RAD51B: variants seen among roughly 807,000 people sequenced by gnomAD.
RAD51B encodes the protein RAD51 paralog B.
A neutral mutation model predicts 42.2 loss-of-function variants in RAD51B; 38 were observed. That is an observed-to-expected ratio of 0.90 (90% CI 0.70 to 1.18). The LOEUF is 1.18. RAD51B is among the 50% of genes most tolerant of loss of function. The probability of loss-of-function intolerance (pLI) is 0.00; values close to 1 mark genes in which losing one functional copy is unlikely to be tolerated. For synonymous variants in RAD51B, 154 were observed against 145.2 expected, an observed-to-expected ratio of 1.06 and a Z score of -0.43; for missense variants, 373 against 400.7, an observed-to-expected ratio of 0.93 and a Z score of 0.59.
chr14:68,310,801 C>T (rs933545775), intron 8 of RAD51B, among the ~76,000 whole-genome samples: 7 of 152,090 alleles, frequency 4.6e-5, no homozygotes, highest in East Asian at 3.8e-4. Flanking sequence ...GCAGAGATCA[C>T]GCCACTGCAC....
intron 10 of RAD51B, among the ~76,000 whole-genome samples, chr14:68,496,581 T>C (rs1303940048): frequency 6.6e-6 from 1 of 152,270 alleles, no homozygotes; most frequent in African/African-American, 2.4e-5. Flanking sequence ...GTTCCTGGTA[T>C]GTCTGCCTGG....
chr14:67,893,496 ACACACAC>A lies in RAD51B; in HGVS notation c.756+6293_756+6299del, dbSNP rs1566945310. Reference sequence around the variant, plus strand: ...CACACACACACACACACACACACACACACACACACACACAAAAAAAAACAATTAGCTG... The same window carrying A: ...CACACACACACACACACACACACACAACACACAAAAAAAAACAATTAGCTG... On this transcript the variant is annotated intron_variant, in intron 7 of 10. Coordinates refer to ENST00000471583, the MANE Select transcript of RAD51B (RefSeq NM_133510.4). 1.2e-3 allele frequency among the ~76,000 whole-genome samples: 112 copies of A among 94,164 alleles called. 1 individual carries two copies. Among genetic ancestry groups the A allele is most frequent in the Non-Finnish European group, 1.4e-3 (66 of 47,744 alleles). The allele number at this position is 94,164 out of a possible 152,430, so 61.8% of individuals were successfully genotyped here. A position where few individuals can be genotyped will look rare whatever the true frequency, so the allele number is the denominator to read the frequency against.
intron 8 of RAD51B, among the ~76,000 whole-genome samples, chr14:68,385,816 A>G (rs1437764171): frequency 6.6e-6 from 1 of 152,216 alleles, no homozygotes; most frequent in African/African-American, 2.4e-5. Context: ...TGCTAATTTT[A>G]TATGTTGTCA....
intron 7 of RAD51B, among the ~76,000 whole-genome samples, chr14:68,050,682 G>T (rs2076377910): frequency 6.6e-6 from 1 of 151,890 alleles, no homozygotes; most frequent in African/African-American, 2.4e-5. Flanking sequence ...ATTTTTTTTG[G>T]AGAAGGAAGT....
In RAD51B at chr14:67,825,448, C is replaced by T. The variant is rs1566909359; in HGVS notation, c.85-16C>T. 6.4e-7 allele frequency: 1 copy of T among 1,555,068 alleles called. No individual in the cohort carries two copies. The highest frequency in any genetic ancestry group is 2.2e-5 in the East Asian group (1 of 44,452). On this transcript the variant is annotated splice_polypyrimidine_tract_variant and intron_variant, in intron 2 of 10. Coordinates refer to ENST00000471583, the MANE Select transcript of RAD51B (RefSeq NM_133510.4). ...TACACATATATGTTTAAAATACTCTCTTTATGTTTCTTTAGGACTTTTTAT... is the reference window on the plus strand; with the variant it reads ...TACACATATATGTTTAAAATACTCTTTTTATGTTTCTTTAGGACTTTTTAT...
At chr14:68,601,954 T>C (rs1891236195) in intron 10 of RAD51B, among the ~76,000 whole-genome samples, 1 of 152,196 alleles carries the variant, frequency 6.6e-6, no homozygotes, top group Non-Finnish European at 1.5e-5. Context: ...ACCATTCTCA[T>C]GGGCCTGGAT....
chr14:68,303,864 T>G (rs1218179722), intron 8 of RAD51B, among the ~76,000 whole-genome samples: 1 of 152,150 alleles, frequency 6.6e-6, no homozygotes. Flanking sequence ...GCAAATGACT[T>G]AAAGTACTAA....
intron 7 of RAD51B, among the ~76,000 whole-genome samples, chr14:67,999,856 G>A (rs1008287717): frequency 1.3e-5 from 2 of 152,122 alleles, no homozygotes; most frequent in African/African-American, 4.8e-5. Context: ...TTTGATATGT[G>A]TTAGATGGGT....
chr14:67,977,745 A>G (rs12433779), intron 7 of RAD51B, among the ~76,000 whole-genome samples: 2,371 of 152,366 alleles, frequency 0.016, 30 homozygotes, highest in African/African-American at 0.036. Flanking sequence ...ATGTAAGTAC[A>G]CCTACTGCCT....
At position 68,541,660 on chromosome 14, in the gene RAD51B, T is replaced by C. The variant is rs1016139390; in HGVS notation, c.1037-52825T>C. The C allele has an allele frequency of 4.1e-6, 4 of 985,344 alleles. No individual in the cohort carries two copies. The African/African-American group carries it at 7.0e-5, about 17-fold the overall frequency. The allele number at this position is 985,344 out of a possible 1,614,324, so 61.0% of individuals were successfully genotyped here. On this transcript the variant is annotated intron_variant, in intron 10 of 10. Transcript: ENST00000487270. Reference sequence around the variant, plus strand: ...AAAGCTGTATTGTCAGTGCAATCCTTTGGGGCCTTGTTTGGGCCTGAAGAA... The same window carrying C: ...AAAGCTGTATTGTCAGTGCAATCCTCTGGGGCCTTGTTTGGGCCTGAAGAA...
intron 7 of RAD51B, among the ~76,000 whole-genome samples, chr14:68,268,754 T>G (rs2081043888): frequency 6.6e-6 from 1 of 152,246 alleles, no homozygotes. Flanking sequence ...GCATCTTTAA[T>G]TTACACAGCA....
intron 7 of RAD51B, among the ~76,000 whole-genome samples, chr14:68,273,889 C>T (rs2081170892): frequency 6.6e-6 from 1 of 152,080 alleles, no homozygotes; most frequent in Non-Finnish European, 1.5e-5. Flanking sequence ...CAGACTTCCT[C>T]CCCATATCCT....
chr14:67,991,088 G>C (rs2075289279), intron 7 of RAD51B, among the ~76,000 whole-genome samples: 1 of 152,046 alleles, frequency 6.6e-6, no homozygotes, highest in Non-Finnish European at 1.5e-5. Flanking sequence ...TTGGGAATAG[G>C]ACCCAGGCAC....
intron 7 of RAD51B, among the ~76,000 whole-genome samples, chr14:68,264,699 C>T (rs116962915): frequency 1.3e-5 from 2 of 152,022 alleles, no homozygotes; most frequent in Non-Finnish European, 2.9e-5. Flanking sequence ...TTATTTTAAT[C>T]GGAGAAGAGA....
chr14:67,925,949 A>G (rs913138633), intron 7 of RAD51B, among the ~76,000 whole-genome samples: 1 of 152,156 alleles, frequency 6.6e-6, no homozygotes, highest in East Asian at 1.9e-4. Flanking sequence ...TGGGCTGCAC[A>G]CAGCCTGGGC....
At chr14:67,821,147 C>T (rs1231702926) in intron 1 of RAD51B, among the ~76,000 whole-genome samples, 2 of 152,200 alleles carry the variant, frequency 1.3e-5, no homozygotes, top group South Asian at 2.1e-4. Flanking sequence ...CTGTCTGCTT[C>T]CATAGCACTT....
chr14:68,605,633 C>T (rs1222271672), intron 10 of RAD51B, among the ~76,000 whole-genome samples: 1 of 152,226 alleles, frequency 6.6e-6, no homozygotes, highest in Non-Finnish European at 1.5e-5. Flanking sequence ...TCTCTCTTCT[C>T]ATAAGGACAG....
chr14:67,841,915 A>T lies in RAD51B; in HGVS notation c.315+6719A>T, dbSNP rs111951962. Among the ~76,000 whole-genome samples the T allele has an allele frequency of 7.2e-3, 1,092 of 152,308 alleles. 17 individuals are homozygous for T. Among genetic ancestry groups the T allele is most frequent in the African/African-American group, 0.025 (1,046 of 41,558 alleles). ...TCTTAACTTCCCATATGAATGTTAG[A>T]ATAGTTTTTTCTAATTCTGTGAAAA... On this transcript the variant is annotated intron_variant, in intron 4 of 10. Coordinates refer to ENST00000471583, the MANE Select transcript of RAD51B (RefSeq NM_133510.4).
intron 8 of RAD51B, among the ~76,000 whole-genome samples, chr14:68,410,025 T>C (rs532160885): frequency 2.0e-5 from 3 of 152,266 alleles, no homozygotes; most frequent in African/African-American, 7.2e-5. Context: ...TAGATATATA[T>C]GGTTGGTGTT....
Sources: gnomAD v4.1 joint callset for allele counts (sites outside exome capture counted in the v4.1 genomes callset) on GRCh38, gnomAD v4.1.1 for gene constraint, MANE v1.5 for transcripts, NCBI Gene and HGNC (gene_info 2026-07-23, HGNC 2026-07-21) for gene names.